The following HYDIN variants were observed in gnomAD, a reference collection of about 807,000 sequenced individuals.
The protein encoded by HYDIN is HYDIN axonemal central pair apparatus protein.
In HYDIN, 132 loss-of-function variants were observed where a neutral mutation model predicts 403.9. That is an observed-to-expected ratio of 0.33 (90% confidence interval 0.28 to 0.38). The LOEUF (loss-of-function observed/expected upper bound fraction) is 0.38. Ranked by LOEUF, HYDIN falls within the 10% of genes least tolerant of loss-of-function variation. The pLI is 1.00. For synonymous variants in HYDIN, 1,202 were observed against 1,891.7 expected, an observed-to-expected ratio of 0.64 and a Z score of 9.46; for missense variants, 2,827 against 5,009.5, an observed-to-expected ratio of 0.56 and a Z score of 13.15.
At chr16:71,013,911 TC>T (rs1178522252) in intron 23 of HYDIN, among the ~76,000 whole-genome samples, 1 of 103,538 alleles carries the variant, frequency 9.7e-6, no homozygotes, top group Non-Finnish European at 1.9e-5. Flanking sequence ...CAGAGGGGGC[TC>T]GGTGAAGACA....
intron 41 of HYDIN, among the ~76,000 whole-genome samples, chr16:70,945,509 T>C (rs1459093459): frequency 6.6e-6 from 1 of 152,196 alleles, no homozygotes; most frequent in Admixed American, 6.5e-5. Context: ...ATAAGCATGT[T>C]AAAGGTATTT....
chr16:71,203,441 A>G (rs2088126255), intron 1 of HYDIN, among the ~76,000 whole-genome samples: 1 of 152,230 alleles, frequency 6.6e-6, no homozygotes, highest in South Asian at 2.1e-4. Flanking sequence ...AAGATTTGCA[A>G]ATAACCACTA....
chr16:70,996,968 C>T (rs2144060737), intron 23 of HYDIN, among the ~76,000 whole-genome samples: 1 of 149,658 alleles, frequency 6.7e-6, no homozygotes, highest in African/African-American at 2.5e-5. Flanking sequence ...TACAACTCAC[C>T]ATCATGTAGA....
At chr16:70,892,985 G>A (rs925379153) in intron 55 of HYDIN, among the ~76,000 whole-genome samples, 4 of 152,174 alleles carry the variant, frequency 2.6e-5, no homozygotes, top group Admixed American at 1.3e-4. Flanking sequence ...CCTACTGGAG[G>A]TGAGGCAAGA....
intron 60 of HYDIN, among the ~76,000 whole-genome samples, chr16:70,882,137 C>T (rs1433790469): frequency 6.6e-6 from 1 of 152,202 alleles, no homozygotes; most frequent in African/African-American, 2.4e-5. Flanking sequence ...GCTTTTTAAG[C>T]CTCAGTTTCC....
intron 14 of HYDIN, among the ~76,000 whole-genome samples, chr16:71,067,807 T>C (rs923900179): frequency 6.6e-6 from 1 of 151,928 alleles, no homozygotes; most frequent in Non-Finnish European, 1.5e-5. Context: ...TACAGTAAAA[T>C]AAATGGAAAT....
chr16:71,025,128 A>C (rs113963797), intron 21 of HYDIN, among the ~76,000 whole-genome samples: 13,957 of 139,778 alleles, frequency 0.1, no homozygotes, highest in Non-Finnish European at 0.13. Context: ...TATTCAGTGC[A>C]CTGGAATACC....
At chr16:70,834,982 A>ATATATATACACACATATGTGTGTG (rs2037309200) in intron 78 of HYDIN, among the ~76,000 whole-genome samples, 1 of 146,330 alleles carries the variant, frequency 6.8e-6, no homozygotes, top group Admixed American at 6.9e-5. Flanking sequence ...GTGTGTATAT[A>ATATATATACACACATATGTGTGTG]TATATATATA....
At chr16:71,020,550 T>G (rs1162377854) in intron 21 of HYDIN, among the ~76,000 whole-genome samples, 1 of 152,200 alleles carries the variant, frequency 6.6e-6, no homozygotes, top group Non-Finnish European at 1.5e-5. Context: ...GGCTCATGCC[T>G]GTAATCCCAG....
intron 8 of HYDIN, among the ~76,000 whole-genome samples, chr16:71,130,099 T>A (rs1288803507): frequency 6.6e-6 from 1 of 152,272 alleles, no homozygotes; most frequent in African/African-American, 2.4e-5. Context: ...CTTATGTATA[T>A]CTGGACAAAT....
intron 13 of HYDIN, among the ~76,000 whole-genome samples, chr16:71,078,983 A>G (rs1049072538): frequency 2.6e-5 from 4 of 152,196 alleles, no homozygotes; most frequent in Admixed American, 1.3e-4. Context: ...TGGCCACACC[A>G]CTAAGTACTC....
Position 70,863,197 on chromosome 16 carries a change from G to T in HYDIN, c.11472-15C>A. ...TCACATCGAACCTGCAAATCGATCAGGGAGCAGATTTGAGAAATGTGCTGC... is the reference window on the plus strand; with the variant it reads ...TCACATCGAACCTGCAAATCGATCATGGAGCAGATTTGAGAAATGTGCTGC... On this transcript the variant is annotated splice_polypyrimidine_tract_variant and intron_variant, in intron 67 of 85. Transcript: ENST00000393567. The T allele has an allele frequency of 6.2e-7, 1 of 1,610,614 alleles. No individual in the cohort carries two copies. Among genetic ancestry groups the T allele is most frequent in the Non-Finnish European group, 8.5e-7 (1 of 1,178,812 alleles).
chr16:71,044,004 G>C (rs1351437142), intron 18 of HYDIN, among the ~76,000 whole-genome samples: 3 of 152,004 alleles, frequency 2.0e-5, no homozygotes, highest in Non-Finnish European at 4.4e-5. Context: ...GAGAGAGAAA[G>C]AAAGAAAGCA....
At chr16:70,809,539 C>T (rs535774851) in intron 85 of HYDIN, among the ~76,000 whole-genome samples, 3 of 152,340 alleles carry the variant, frequency 2.0e-5, no homozygotes, top group Non-Finnish European at 4.4e-5. Context: ...CAAAACTCCC[C>T]TACACTCCAT....
At chr16:71,203,646 G>A (rs367999349) in intron 1 of HYDIN, 1 of 424,530 alleles carries the variant, frequency 2.4e-6, no homozygotes, top group African/African-American at 2.1e-5. Flanking sequence ...CTCTGGATTA[G>A]GTAACCCAGG....
At chr16:71,177,413 C>T (rs760871471) in intron 4 of HYDIN, among the ~76,000 whole-genome samples, 1 of 152,200 alleles carries the variant, frequency 6.6e-6, no homozygotes, top group South Asian at 2.1e-4. Flanking sequence ...GGTCTAGGAA[C>T]ACAATCTTGT....
chr16:70,811,463 T>A (rs996600177), intron 84 of HYDIN: 2 of 151,752 alleles, frequency 1.3e-5, no homozygotes, highest in Non-Finnish European at 1.5e-5. Flanking sequence ...AAAAGAAAAA[T>A]ATCAGAATAA....
chr16:71,048,256 G>C (rs2081516379), intron 18 of HYDIN, among the ~76,000 whole-genome samples: 1 of 149,254 alleles, frequency 6.7e-6, no homozygotes, highest in African/African-American at 2.5e-5. Context: ...TGGACACTTA[G>C]GTTGGTTCCA....
At position 70,862,209 on chromosome 16, in the gene HYDIN, G is replaced by A; in HGVS notation, c.11616C>T (p.Gly3872=). The part of the protein sequence containing the change: ...DQLSQGTMHT[G]STLDSTMDHW... ...GGTCCATGGTGCTGTCCAGGGTGCT[G>A]CCTGTATGCATCGTGCCCTGACTAA... The change falls in exon 69 of 86, where the codon GGC becomes GGT. Residue 3872 remains glycine, a synonymous_variant. Transcript: ENST00000393567. 1 of 1,613,796 alleles carries A rather than the reference G, an allele frequency of 6.2e-7. No homozygotes were observed. Among genetic ancestry groups the A allele is most frequent in the Non-Finnish European group, 8.5e-7 (1 of 1,179,982 alleles).
Sources: allele counts gnomAD v4.1 joint callset (sites outside exome capture counted in the v4.1 genomes callset), GRCh38; gene constraint gnomAD v4.1.1; transcripts MANE v1.5; gene names NCBI Gene and HGNC (gene_info 2026-07-23, HGNC 2026-07-21).